KCNC3: variants seen among roughly 807,000 people sequenced by gnomAD.
KCNC3 encodes the protein potassium voltage-gated channel subfamily C member 3, also known as voltage-gated potassium channel KCNC3.
KCNC3 carries 22 observed loss-of-function variants against 43.9 expected under a neutral mutation model. That is an observed-to-expected ratio of 0.50 (90% confidence interval 0.36 to 0.72). The LOEUF is 0.72. Among genes scored for constraint, KCNC3 ranks in the 30% least tolerant of loss-of-function variants. KCNC3 has a pLI of 0.00. For synonymous variants in KCNC3, 492 were observed against 488.0 expected, an observed-to-expected ratio of 1.01 and a Z score of -0.11; for missense variants, 829 against 1,073.8, an observed-to-expected ratio of 0.77 and a Z score of 3.19.
intron 4 of KCNC3, among the ~76,000 whole-genome samples, chr19:50,317,348 T>C (rs1193346731): frequency 6.6e-6 from 1 of 152,036 alleles, no homozygotes; most frequent in Non-Finnish European, 1.5e-5. Context: ...TGGCCTTCCC[T>C]GAATGTCTGT....
At position 50,323,642 on chromosome 19, in the gene KCNC3, C is replaced by G. The variant is rs370825707; in HGVS notation, c.1311G>C (p.Leu437=). ...TGGTGCTGGCGCGGAGCGTGTGTCCCAGCACGCGCAGCCCCACGAAGTGCC... is the reference window on the plus strand; with the variant it reads ...TGGTGCTGGCGCGGAGCGTGTGTCCGAGCACGCGCAGCCCCACGAAGTGCC... ...LTRHFVGLRV[L]GHTLRASTNE... The change falls in exon 2 of 5, where the codon CTG becomes CTC. Residue 437 remains leucine (L), a synonymous_variant. Coordinates refer to ENST00000477616, the MANE Select transcript of KCNC3 (RefSeq NM_004977.3). 1.9e-6 allele frequency: 3 copies of G among 1,614,060 alleles called. No homozygotes were observed. Among genetic ancestry groups the G allele is most frequent in the Non-Finnish European group, 2.5e-6 (3 of 1,180,044 alleles).
Position 50,323,364 on chromosome 19 carries a change from G to A in KCNC3, c.1589C>T (p.Thr530Ile). The A allele has an allele frequency of 6.2e-7, 1 of 1,614,160 alleles. No homozygotes were observed. Among genetic ancestry groups the A allele is most frequent in the Non-Finnish European group, 8.5e-7 (1 of 1,180,034 alleles). ...GALCALAGVL[T>I]IAMPVPVIVN... ...AATGACGGGCACAGGCATGGCGATG[G>A]TCAGCACCCCCGCCAGGGCACACAG... Residue 530 changes from threonine (T) to isoleucine (I), a missense_variant, in exon 2 of 5, where the codon ACC becomes ATC. This residue lies in a region of KCNC3 where 33 missense variants were observed against 96.0 expected (regional missense o/e 0.34). Coordinates refer to ENST00000477616, the MANE Select transcript of KCNC3 (RefSeq NM_004977.3).
At position 50,322,972 on chromosome 19, in the gene KCNC3, C is replaced by T. The variant is rs373297576; in HGVS notation, c.1978+3G>A. The T allele has an allele frequency of 1.4e-3, 2,240 of 1,550,354 alleles. 2 individuals carry two copies. The highest frequency in any genetic ancestry group is 1.7e-3 in the Non-Finnish European group (1,955 of 1,147,396). On this transcript the variant is annotated splice_donor_region_variant and intron_variant, in intron 2 of 4. Transcript: ENST00000477616. ...GCCCCCGATCCCTGACGCCCAGGCTCACCTGCCCGGTTGATCTCAATCACC... is the reference window on the plus strand; with the variant it reads ...GCCCCCGATCCCTGACGCCCAGGCTTACCTGCCCGGTTGATCTCAATCACC...
At chr19:50,321,638 C>T (rs984809014) in intron 2 of KCNC3, among the ~76,000 whole-genome samples, 6 of 152,086 alleles carry the variant, frequency 3.9e-5, no homozygotes, top group African/African-American at 7.2e-5. Context: ...GGCACAGTGG[C>T]GGGCGCCTGT....
At position 50,319,003 on chromosome 19, in the gene KCNC3, A is replaced by G. The variant is rs1302856269; in HGVS notation, c.*23+1220T>C. ...AGCAAGACAGTCTCAAAAAAAAAAA[A>G]AAAAAAAAAAAGAATCAGTTGCTGA... is the stretch of plus-strand genomic sequence containing the variant. On this transcript the variant is annotated intron_variant, in intron 4 of 4. Coordinates refer to ENST00000477616, the MANE Select transcript of KCNC3 (RefSeq NM_004977.3). Among the ~76,000 whole-genome samples the G allele has an allele frequency of 5.3e-5, 8 of 151,904 alleles. No individual in the cohort carries two copies. In the East Asian group the frequency reaches 1.6e-3, roughly 30 times the overall value.
rs1473693216 is a variant in KCNC3, at chr19:50,313,400, C to A, written c.*2715G>T. The A allele has an allele frequency of 6.6e-6, 1 of 152,236 alleles. No individual in the cohort carries two copies. The highest frequency in any genetic ancestry group is 1.5e-5 in the Non-Finnish European group (1 of 68,044). 9.4% of individuals were successfully genotyped at this position (152,236 alleles called of 1,614,324 possible). A position where few individuals can be genotyped will look rare whatever the true frequency, so the allele number is the denominator to read the frequency against. ...CAGCGATGCCTGCACTTATCGGCTTCTGTACAAAATGCGTATTAGAGACAA... is the reference window on the plus strand; with the variant it reads ...CAGCGATGCCTGCACTTATCGGCTTATGTACAAAATGCGTATTAGAGACAA... On this transcript the variant is annotated 3_prime_UTR_variant, in exon 5 of 5. Transcript: ENST00000477616.
At position 50,314,540 on chromosome 19, in the gene KCNC3, G is replaced by A; in HGVS notation, c.*1575C>T. ...TGTGTGGGGGGAGGTGCCCCAAGAT[G>A]TAACTGGCATAATTTGGACTTATTT... On this transcript the variant is annotated 3_prime_UTR_variant, in exon 5 of 5. Transcript: ENST00000477616. 3.9e-6 allele frequency: 1 copy of A among 255,464 alleles called. No homozygotes were observed. The highest frequency in any genetic ancestry group is 7.7e-6 in the Non-Finnish European group (1 of 129,042). The allele number at this position is 255,464 out of a possible 1,614,324, so 15.8% of individuals were successfully genotyped here.
At chr19:50,321,020 TGCTGGGAAGGGCGACTGCA>T (rs1308232185) in intron 2 of KCNC3, among the ~76,000 whole-genome samples, 48 of 135,514 alleles carry the variant, frequency 3.5e-4, no homozygotes, top group African/African-American at 1.5e-3. Flanking sequence ...GGGGGTTGAG[TGCTGGGAAGGGCGACTGCA>T]GTTGGGAAGG....
At chr19:50,321,609 A>G (rs2037034828) in intron 2 of KCNC3, among the ~76,000 whole-genome samples, 1 of 152,064 alleles carries the variant, frequency 6.6e-6, no homozygotes, top group South Asian at 2.1e-4. Flanking sequence ...GTCTCTACTA[A>G]AAATACAAAA....
chr19:50,316,466 C>T (rs911039552), intron 4 of KCNC3, among the ~76,000 whole-genome samples: 1 of 151,906 alleles, frequency 6.6e-6, no homozygotes, highest in African/African-American at 2.4e-5. Context: ...AGAAGCCTGG[C>T]GCAGTGGCTC....
Position 50,320,260 on chromosome 19 carries a change from A to T in KCNC3, c.2260T>A (p.Trp754Arg). Residue 754 changes from tryptophan to arginine, a missense_variant, in exon 4 of 5, where the codon TGG (tryptophan) becomes AGG (arginine). This residue lies in a region of KCNC3 where 308 missense variants were observed against 276.2 expected (regional missense o/e 1.11). Coordinates refer to ENST00000477616, the MANE Select transcript of KCNC3 (RefSeq NM_004977.3). ...LPDLNANAAA[W>R]ISP is the part of the protein sequence containing the mutation. ...GGGTTCGTCCACTAGGGGGATATCC[A>T]GGCCGCGGCGTTGGCGTTGAGGTCG... 2 of 910,872 alleles carry T rather than the reference A, an allele frequency of 2.2e-6. No individual in the cohort carries two copies. The highest frequency in any genetic ancestry group is 2.9e-6 in the Non-Finnish European group (2 of 691,376). 56.4% of individuals were successfully genotyped at this position (910,872 alleles called of 1,614,324 possible).
Position 50,328,980 on chromosome 19 carries a change from G to T in KCNC3, c.103C>A (p.Pro35Thr). ...GGCTGCTGCTGCTGCGGCGGCAGCGGTGGCGGCGGCGGGGACTCGGGCGGC... is the reference window on the plus strand; with the variant it reads ...GGCTGCTGCTGCTGCGGCGGCAGCGTTGGCGGCGGCGGGGACTCGGGCGGC... ...PQPPESPPPP[P>T]LPPQQQQPAQ... Residue 35 changes from proline to threonine, a missense_variant, in exon 1 of 5, where the codon CCG becomes ACG. Pro to Thr is a conservative substitution (Grantham distance 38). Coordinates refer to ENST00000477616, the MANE Select transcript of KCNC3 (RefSeq NM_004977.3). The T allele has an allele frequency of 9.2e-7, 1 of 1,082,416 alleles. No individual in the cohort carries two copies. The highest frequency in any genetic ancestry group is 1.2e-6 in the Non-Finnish European group (1 of 857,514). 67.1% of individuals were successfully genotyped at this position (1,082,416 alleles called of 1,614,324 possible).
Position 50,324,838 on chromosome 19 carries a change from G to GT in KCNC3, c.871-757dup, listed in dbSNP as rs139889134. 0.011 allele frequency among the ~76,000 whole-genome samples: 1,731 copies of GT among 152,198 alleles called. 36 individuals are homozygous for GT. The highest frequency in any genetic ancestry group is 0.04 in the African/African-American group (1,655 of 41,512). On this transcript the variant is annotated intron_variant, in intron 1 of 4. Transcript: ENST00000477616. This position sits in a 1 kb window ranked among gnomAD's most constrained non-coding sequence, Gnocchi z 4.1. ...GGCCTCACCCAGAGAGGACAGGGCA[G>GT]TGGTGGTGCCACAGAGGGGAGGTGG... is the stretch of plus-strand genomic sequence containing the variant.
chr19:50,323,149 G>A lies in KCNC3; in HGVS notation c.1804C>T (p.Pro602Ser), dbSNP rs1368752620. ...GGISPPPPIT[P>S]PSMGVTVAGA... The stretch of plus-strand genomic sequence containing the variant: ...GCCACAGTCACCCCCATGGAGGGTG[G>A]GGTGATGGGTGGCGGCGGGCTGATG... The change falls in exon 2 of 5, where the codon CCA becomes TCA. Residue 602 changes from proline to serine, a missense_variant. By Grantham distance (74) the Pro-to-Ser change is moderately conservative. Coordinates refer to ENST00000477616, the MANE Select transcript of KCNC3 (RefSeq NM_004977.3). 5.2e-6 allele frequency: 8 copies of A among 1,534,310 alleles called. No individual in the cohort carries two copies. In the East Asian group the frequency reaches 1.5e-4, roughly 28 times the overall value.
rs2036909920 is a variant in KCNC3, at chr19:50,313,805, G to A, written c.*2310C>T. ...TTTGAGCTGAAAAGAGCTGGGTCAA[G>A]TCTTGGAGGTTTGAGAAGTGCTGGG... On this transcript the variant is annotated 3_prime_UTR_variant, in exon 5 of 5. Transcript: ENST00000477616. 6.6e-6 allele frequency: 1 copy of A among 151,052 alleles called. No homozygotes were observed. Among genetic ancestry groups the A allele is most frequent in the African/African-American group, 2.4e-5 (1 of 41,064 alleles). 9.4% of individuals were successfully genotyped at this position (151,052 alleles called of 1,614,324 possible).
rs1277533494 is a variant in KCNC3, at chr19:50,324,598, C to A, written c.871-516G>T. On this transcript the variant is annotated intron_variant, in intron 1 of 4. Transcript: ENST00000477616. The surrounding 1 kb of genome is among the most constrained non-coding windows in gnomAD (Gnocchi z 4.1). The stretch of plus-strand genomic sequence containing the variant: ...GTGGTTAAGAGTCGGCGAGCCTGGG[C>A]ATGAATCTGGCTTTTAACCTGTCAA... Among the ~76,000 whole-genome samples the A allele has an allele frequency of 6.6e-6, 1 of 152,160 alleles. No individual in the cohort carries two copies. The highest frequency in any genetic ancestry group is 1.5e-5 in the Non-Finnish European group (1 of 68,030).
Position 50,316,111 on chromosome 19 carries a change from G to T in KCNC3, c.*24-20C>A. The T allele has an allele frequency of 2.7e-6, 1 of 375,398 alleles. No homozygotes were observed. The highest frequency in any genetic ancestry group is 1.3e-4 in the South Asian group (1 of 7,442). The allele number at this position is 375,398 out of a possible 1,614,324, so 23.3% of individuals were successfully genotyped here. A position where few individuals can be genotyped will look rare whatever the true frequency, so the allele number is the denominator to read the frequency against. On this transcript the variant is annotated intron_variant, in intron 4 of 4. Transcript: ENST00000477616. ...CAAGAGCTGGGGACAGAAATACACAGAGTCACGGGGGTGGGGAGAGGATGG... is the reference window on the plus strand; with the variant it reads ...CAAGAGCTGGGGACAGAAATACACATAGTCACGGGGGTGGGGAGAGGATGG...
Position 50,324,140 on chromosome 19 carries a change from T to C in KCNC3, c.871-58A>G. The C allele has an allele frequency of 6.6e-7, 1 of 1,512,218 alleles. No homozygotes were observed. Among genetic ancestry groups the C allele is most frequent in the Non-Finnish European group, 8.9e-7 (1 of 1,127,586 alleles). 93.7% of individuals were successfully genotyped at this position (1,512,218 alleles called of 1,614,324 possible). On this transcript the variant is annotated intron_variant, in intron 1 of 4. Coordinates refer to ENST00000477616, the MANE Select transcript of KCNC3 (RefSeq NM_004977.3). The surrounding 1 kb of genome is among the most constrained non-coding windows in gnomAD (Gnocchi z 4.1). ...GGTGACCTAGGCATCAGGTTGGCCATAACATCCAGAAGACCCTTCCAGTGC... is the reference window on the plus strand; with the variant it reads ...GGTGACCTAGGCATCAGGTTGGCCACAACATCCAGAAGACCCTTCCAGTGC...
At chr19:50,325,684 C>T (rs539087050) in intron 1 of KCNC3, among the ~76,000 whole-genome samples, 17 of 152,166 alleles carry the variant, frequency 1.1e-4, no homozygotes, top group African/African-American at 4.1e-4. Context: ...GAGCCGGGCG[C>T]GCGGCGCTAG....
Sources: allele counts gnomAD v4.1 joint callset (sites outside exome capture counted in the v4.1 genomes callset), GRCh38; gene constraint gnomAD v4.1.1; regional missense constraint gnomAD v4.1.1; non-coding constraint Gnocchi (gnomAD v3.1); transcripts MANE v1.5; gene names NCBI Gene and HGNC (gene_info 2026-07-23, HGNC 2026-07-21).